SHISAL2A: variants seen among roughly 807,000 people sequenced by gnomAD.
The protein encoded by SHISAL2A is protein shisa-like-2A.
A neutral mutation model predicts 11.5 loss-of-function variants in SHISAL2A; 18 were observed. The ratio of observed to expected loss-of-function variants is 1.57; its 90% CI spans 1.08 to 2.33. The LOEUF (loss-of-function observed/expected upper bound fraction) is 2.33, where lower values mean the gene tolerates loss of function less well. Among genes scored for constraint, SHISAL2A ranks in the 30% most tolerant of loss-of-function variants. SHISAL2A has a pLI of 0.00. For missense variants in SHISAL2A, 261 were observed against 250.9 expected (o/e 1.04, Z -0.27); for synonymous variants, 94 against 99.6 (o/e 0.94, Z 0.34).
chr1:52,648,126 CATT>C (rs945422188), intron 2 of SHISAL2A, among the ~76,000 whole-genome samples: 1 of 147,254 alleles, frequency 6.8e-6, no homozygotes, highest in African/African-American at 2.5e-5. Context: ...TAATATATTT[CATT>C]ATTACATAAT....
intron 1 of SHISAL2A, among the ~76,000 whole-genome samples, chr1:52,642,607 A>G (rs1223177837): frequency 6.6e-6 from 1 of 151,920 alleles, no homozygotes; most frequent in African/African-American, 2.4e-5. Context: ...TAAGTTTTGT[A>G]TTTTTAGTGT....
At chr1:52,666,171 G>C (rs886096531) in intron 4 of SHISAL2A, among the ~76,000 whole-genome samples, 7 of 152,166 alleles carry the variant, frequency 4.6e-5, no homozygotes, top group African/African-American at 1.7e-4. Flanking sequence ...CAGTGTACCG[G>C]CTGGGAGCGG....
At chr1:52,644,914 G>A (rs1466312483) in intron 2 of SHISAL2A, among the ~76,000 whole-genome samples, 1 of 151,548 alleles carries the variant, frequency 6.6e-6, no homozygotes, top group African/African-American at 2.4e-5. Flanking sequence ...CTACTCAGGA[G>A]GCTGAGGCAG....
chr1:52,659,818 C>G (rs1448027679), downstream of SHISAL2A, among the ~76,000 whole-genome samples: 1 of 152,230 alleles, frequency 6.6e-6, no homozygotes, highest in Non-Finnish European at 1.5e-5. Flanking sequence ...TCCAACTTTT[C>G]TCTGAACACT....
chr1:52,668,561 A>G (rs1692053791), intron 5 of SHISAL2A: 1 of 152,264 alleles, frequency 6.6e-6, no homozygotes, highest in Non-Finnish European at 1.5e-5. Flanking sequence ...TGGACTGTTA[A>G]TTCCAGGGCA....
At chr1:52,645,090 G>A (rs558767941) in intron 2 of SHISAL2A, among the ~76,000 whole-genome samples, 69 of 151,920 alleles carry the variant, frequency 4.5e-4, no homozygotes, top group Admixed American at 1.2e-3. Flanking sequence ...GAAGGGGCAA[G>A]GTGGGTAGTA....
Position 52,642,896 on chromosome 1 carries a change from A to G in SHISAL2A, c.216A>G (p.Ala72=). ...IGALIGLSVA[A]VVLLAFIVTA... is the part of the protein sequence containing the mutation. ...CTCTCATAGGCCTGTCCGTAGCAGC[A>G]GTGGTTCTTCTCGCCTTCATTGTTA... Residue 72 remains alanine (A), a synonymous_variant, in exon 2 of 3, where the codon GCA becomes GCG. Coordinates refer to ENST00000517870, the MANE Select transcript of SHISAL2A (RefSeq NM_001042693.3). The G allele has an allele frequency of 6.2e-7, 1 of 1,613,804 alleles. No homozygotes were observed.
intron 2 of SHISAL2A, among the ~76,000 whole-genome samples, chr1:52,646,036 T>G (rs984858054): frequency 6.6e-6 from 1 of 152,228 alleles, no homozygotes; most frequent in Non-Finnish European, 1.5e-5. Flanking sequence ...GCACAGAAAT[T>G]GACAAATAGA....
rs573880310 is a variant in SHISAL2A at position 52,665,828 on chromosome 1, G to C, written n.696-1571G>C. ...GGTACATGGTGTTCCCTCCCTGATG[G>C]CCTCACAGGCAGCTGCTGACTCACC... On this transcript the variant is annotated intron_variant and non_coding_transcript_variant, in intron 4 of 5. Coordinates refer to the SHISAL2A transcript ENST00000401050. Among the ~76,000 whole-genome samples, 519 of 152,210 alleles carry C rather than the reference G, an allele frequency of 3.4e-3. 1 individual carries two copies. The highest frequency in any genetic ancestry group is 5.4e-3 in the Non-Finnish European group (368 of 68,008).
At chr1:52,657,990 T>G (rs1044321956), downstream of SHISAL2A, among the ~76,000 whole-genome samples, 2 of 152,202 alleles carry the variant, frequency 1.3e-5, no homozygotes, top group Admixed American at 1.3e-4. Flanking sequence ...ATTGCAAGTG[T>G]TCAATGAGGT....
In SHISAL2A at chr1:52,656,917, G is replaced by C. The variant is rs1558093386; in HGVS notation, c.450G>C (p.Gln150His). ...CGCAGCTGGAGAGCAATGAGGGGCA[G>C]GCTGTGAACTCCAAACGCCTCCTCC... ...LNPQLESNEG[Q>H]AVNSKRLLHH... Residue 150 changes from glutamine to histidine, a missense_variant, in exon 3 of 3, where the codon CAG (glutamine) becomes CAC (histidine). Coordinates refer to ENST00000517870, the MANE Select transcript of SHISAL2A (RefSeq NM_001042693.3). 1 of 1,614,168 alleles carries C rather than the reference G, an allele frequency of 6.2e-7. No homozygotes were observed. Among genetic ancestry groups the C allele is most frequent in the African/African-American group, 1.3e-5 (1 of 75,038 alleles).
At chr1:52,634,594 G>A (rs1691200416) in intron 1 of SHISAL2A, among the ~76,000 whole-genome samples, 1 of 152,196 alleles carries the variant, frequency 6.6e-6, no homozygotes, top group Non-Finnish European at 1.5e-5. Context: ...GTTGGCTTGA[G>A]AGGGTAATAG....
upstream of SHISAL2A, among the ~76,000 whole-genome samples, chr1:52,632,818 A>C (rs745758339): frequency 6.6e-6 from 1 of 152,182 alleles, no homozygotes; most frequent in Non-Finnish European, 1.5e-5. Flanking sequence ...CCCCGGTTAA[A>C]ATCTCGTGGG....
intron 2 of SHISAL2A, among the ~76,000 whole-genome samples, chr1:52,644,813 C>G (rs560166821): frequency 3.3e-5 from 5 of 151,866 alleles, no homozygotes; most frequent in African/African-American, 1.2e-4. Context: ...ATCAGGAGAT[C>G]GAGACCATCC....
intron 4 of SHISAL2A, among the ~76,000 whole-genome samples, chr1:52,663,036 C>G (rs764807842): frequency 9.2e-5 from 14 of 152,202 alleles, no homozygotes; most frequent in Non-Finnish European, 1.6e-4. Context: ...TTCTAAACCT[C>G]CAGCTCCGGG....
chr1:52,632,848 G>A (rs1691155177), upstream of SHISAL2A, among the ~76,000 whole-genome samples: 1 of 152,202 alleles, frequency 6.6e-6, no homozygotes, highest in Non-Finnish European at 1.5e-5. Context: ...TCCGGGAAAT[G>A]GCTTCTCTCT....
At chr1:52,659,030 G>A (rs893231497), downstream of SHISAL2A, among the ~76,000 whole-genome samples, 1 of 129,384 alleles carries the variant, frequency 7.7e-6, no homozygotes, top group African/African-American at 3.2e-5. Context: ...GTTGGTGGTG[G>A]TGGTGGTGGT....
At chr1:52,650,223 G>A (rs55732961) in intron 2 of SHISAL2A, among the ~76,000 whole-genome samples, 21,302 of 152,196 alleles carry the variant, frequency 0.14, 1,758 homozygotes, top group East Asian at 0.39. Context: ...ACTCCTCCAA[G>A]CAGGGGGAAA....
chr1:52,636,871 C>T (rs777337616), intron 1 of SHISAL2A, among the ~76,000 whole-genome samples: 4 of 152,240 alleles, frequency 2.6e-5, no homozygotes, highest in Non-Finnish European at 5.9e-5. Context: ...TCTTAACAAC[C>T]TGATCCACTC....
Sources: gnomAD v4.1 joint callset for allele counts (sites outside exome capture counted in the v4.1 genomes callset) on GRCh38, gnomAD v4.1.1 for gene constraint, MANE v1.5 for transcripts, NCBI Gene and HGNC (gene_info 2026-07-23, HGNC 2026-07-21) for gene names.